FZD6: variants seen among roughly 807,000 people sequenced by gnomAD.
FZD6 encodes frizzled class receptor 6, also known as frizzled-6.
Under a neutral mutation model 61.4 loss-of-function variants are expected in FZD6, and 49 were observed. The observed-to-expected ratio is 0.80, with a 90% CI of 0.63 to 1.01. The LOEUF (loss-of-function observed/expected upper bound fraction) is 1.01, where lower values mean the gene tolerates loss of function less well. FZD6 is among the 50% of genes least tolerant of loss of function. FZD6 has a pLI of 0.00. For missense variants in FZD6, 724 were observed against 848.2 expected, an observed-to-expected ratio of 0.85 and a Z score of 1.82; for synonymous variants, 265 against 292.2, an observed-to-expected ratio of 0.91 and a Z score of 0.95.
chr8:103,299,496 T>G (rs760790925), intron 1 of FZD6, among the ~76,000 whole-genome samples: 37 of 152,272 alleles, frequency 2.4e-4, no homozygotes, highest in Non-Finnish European at 4.7e-4. Context: ...TCGAGAAAAC[T>G]ACATACCCAG....
At position 103,329,945 on chromosome 8, in the gene FZD6, G is replaced by C; in HGVS notation, c.1832G>C (p.Arg611Thr). 3 of 1,614,168 alleles carry C rather than the reference G, an allele frequency of 1.9e-6. No individual in the cohort carries two copies. Among genetic ancestry groups the C allele is most frequent in the Non-Finnish European group, 2.5e-6 (3 of 1,180,010 alleles). ...KADGASTPRLREQDCGEPASP... is the reference protein window; with the variant it reads ...KADGASTPRLTEQDCGEPASP... Reference sequence around the variant, plus strand: ...GACGGAGCTAGCACCCCCAGGTTAAGAGAACAGGACTGTGGTGAACCTGCC... The same window carrying C: ...GACGGAGCTAGCACCCCCAGGTTAACAGAACAGGACTGTGGTGAACCTGCC... The change falls in exon 6 of 7, where the codon AGA becomes ACA. Residue 611 changes from arginine to threonine, a missense_variant. Coordinates refer to ENST00000358755, the MANE Select transcript of FZD6 (RefSeq NM_003506.4).
chr8:103,306,301 A>T (rs1244252713), intron 2 of FZD6, among the ~76,000 whole-genome samples: 2 of 152,126 alleles, frequency 1.3e-5, no homozygotes, highest in African/African-American at 4.8e-5. Flanking sequence ...CTTGCCTGAG[A>T]TTGATCACAT....
Position 103,325,362 on chromosome 8 carries a change from T to G in FZD6, c.1256T>G (p.Val419Gly), listed in dbSNP as rs757294301. The G allele has an allele frequency of 6.2e-7, 1 of 1,613,818 alleles. No individual in the cohort carries two copies. Among genetic ancestry groups the G allele is most frequent in the Non-Finnish European group, 8.5e-7 (1 of 1,179,938 alleles). Reference protein sequence around the residue: ...KLKKFMIRIGVFSGLYLVPLV... With the variant: ...KLKKFMIRIGGFSGLYLVPLV... ...AAGAAATTTATGATTCGAATTGGAG[T>G]CTTCAGCGGCTTGTATCTTGTGCCA... The change falls in exon 4 of 7, where the codon GTC becomes GGC. Residue 419 changes from valine (V) to glycine (G), a missense_variant. By Grantham distance (109) the Val-to-Gly change is moderately radical (BLOSUM62 -3). Transcript: ENST00000358755.
intron 2 of FZD6, among the ~76,000 whole-genome samples, chr8:103,314,898 C>G (rs1356722012): frequency 1.3e-5 from 2 of 152,144 alleles, no homozygotes; most frequent in Non-Finnish European, 2.9e-5. Flanking sequence ...AAGGTGTATA[C>G]AGTGCTCAGC....
intron 2 of FZD6, among the ~76,000 whole-genome samples, chr8:103,312,053 CTCATTTT>C (rs1814511784): frequency 6.6e-6 from 1 of 152,074 alleles, no homozygotes; most frequent in Admixed American, 6.6e-5. Context: ...TATTTTGATT[CTCATTTT>C]TCATTTATCT....
At chr8:103,302,347 T>C (rs1814196175) in intron 2 of FZD6, among the ~76,000 whole-genome samples, 2 of 152,206 alleles carry the variant, frequency 1.3e-5, no homozygotes, top group African/African-American at 4.8e-5. Context: ...AAAGATCATA[T>C]AGAGCTTCTT....
rs751923976 is a variant in FZD6 at position 103,325,312 on chromosome 8, T to C, written c.1206T>C (p.His402=). ...SLNHVRQVIQ[H]DGRNQEKLKK... is the part of the protein sequence containing the mutation. ...ATCATGTTCGACAAGTCATACAACA[T>C]GATGGCCGGAACCAAGAAAAACTAA... is the stretch of plus-strand genomic sequence containing the variant. The change falls in exon 4 of 7, where the codon CAT becomes CAC. Residue 402 remains histidine (H), a synonymous_variant. Coordinates refer to ENST00000358755, the MANE Select transcript of FZD6 (RefSeq NM_003506.4). 1 of 1,614,172 alleles carries C rather than the reference T, an allele frequency of 6.2e-7. No homozygotes were observed. Among genetic ancestry groups the C allele is most frequent in the Admixed American group, 1.7e-5 (1 of 60,024 alleles).
rs145540021 is a variant in FZD6 at position 103,303,300 on chromosome 8, G to A, written c.177+3016G>A. Among the ~76,000 whole-genome samples the A allele has an allele frequency of 9.9e-4, 151 of 152,258 alleles. 1 individual carries two copies. Among genetic ancestry groups the A allele is most frequent in the Non-Finnish European group, 1.6e-3 (108 of 68,018 alleles). ...CACACACTCTATCCTCTGGTGAGCC[G>A]TCTGTCTACCTACCTTTCTTCACCT... On this transcript the variant is annotated intron_variant, in intron 2 of 6. Transcript: ENST00000358755.
rs889463279 is a variant in FZD6, at chr8:103,327,449, A to T, written c.1393-819A>T. ...GTCTCTACTAAAATACAAAAAAATTAGCCAGGCATGGTGGCGTACACTTGT... is the reference window on the plus strand; with the variant it reads ...GTCTCTACTAAAATACAAAAAAATTTGCCAGGCATGGTGGCGTACACTTGT... On this transcript the variant is annotated intron_variant, in intron 4 of 6. Transcript: ENST00000358755. 2.0e-5 allele frequency among the ~76,000 whole-genome samples: 3 copies of T among 152,180 alleles called. No homozygotes were observed. In the East Asian group the frequency reaches 5.8e-4, roughly 29 times the overall value.
upstream of FZD6, chr8:103,298,771 G>GT (rs1291637344): frequency 1.8e-5 from 2 of 109,584 alleles, no homozygotes; most frequent in Admixed American, 1.1e-4. Context: ...CGCAGGGCCA[G>GT]TCCCGCCGCC....
chr8:103,320,136 C>A (rs1216279417), intron 3 of FZD6, among the ~76,000 whole-genome samples: 2 of 152,030 alleles, frequency 1.3e-5, no homozygotes, highest in Non-Finnish European at 2.9e-5. Flanking sequence ...AGAGTTGTTG[C>A]AATAATTTCT....
chr8:103,302,481 C>T (rs827530), intron 2 of FZD6, among the ~76,000 whole-genome samples: 1 of 151,888 alleles, frequency 6.6e-6, no homozygotes, highest in African/African-American at 2.4e-5. Flanking sequence ...AAAGAACCCC[C>T]GAACCCTTCA....
At chr8:103,326,896 CTA>C (rs1190521695) in intron 4 of FZD6, among the ~76,000 whole-genome samples, 1 of 151,992 alleles carries the variant, frequency 6.6e-6, no homozygotes, top group Non-Finnish European at 1.5e-5. Context: ...AATGAAAAAA[CTA>C]TTCTTAAACA....
At chr8:103,321,803 G>A (rs1355117715) in intron 3 of FZD6, among the ~76,000 whole-genome samples, 1 of 152,154 alleles carries the variant, frequency 6.6e-6, no homozygotes, top group East Asian at 1.9e-4. Flanking sequence ...CTTGCCAATA[G>A]ATGAATCCCA....
Position 103,329,875 on chromosome 8 carries a change from G to A in FZD6, c.1762G>A (p.Glu588Lys), listed in dbSNP as rs1231505920. The stretch of plus-strand genomic sequence containing the variant: ...TTACCTAGGACAAGAAACTTTGACA[G>A]AAATCCAAACCTCACCAGAAACATC... The part of the protein sequence containing the change: ...HDYLGQETLT[E>K]IQTSPETSMR... The change falls in exon 6 of 7, where the codon GAA becomes AAA. Residue 588 changes from glutamate (E) to lysine (K), a missense_variant. Physicochemically the swap from Glu to Lys is moderately conservative, Grantham distance 56. Transcript: ENST00000358755. The A allele has an allele frequency of 6.2e-7, 1 of 1,614,140 alleles. No individual in the cohort carries two copies. The highest frequency in any genetic ancestry group is 8.5e-7 in the Non-Finnish European group (1 of 1,180,010).
At chr8:103,325,639 A>G (rs1296205061) in intron 4 of FZD6, 141 bp downstream of exon 4, 8 of 725,160 alleles carry the variant, frequency 1.1e-5, no homozygotes, top group African/African-American at 1.7e-5. Flanking sequence ...CTATACATCA[A>G]CTGAAACTGG....
intron 3 of FZD6, among the ~76,000 whole-genome samples, chr8:103,321,415 A>G (rs1814785248): frequency 6.6e-6 from 1 of 152,218 alleles, no homozygotes; most frequent in Admixed American, 6.5e-5. Flanking sequence ...TTTCATTTCT[A>G]TAAATAAGAC....
chr8:103,311,354 G>C (rs1814490928), intron 2 of FZD6, among the ~76,000 whole-genome samples: 1 of 152,172 alleles, frequency 6.6e-6, no homozygotes. Context: ...TTGCCAGGCT[G>C]TATCCCTGCA....
At chr8:103,307,621 A>G in intron 2 of FZD6, 1 of 394,810 alleles carries the variant, frequency 2.5e-6, no homozygotes, top group South Asian at 1.8e-5. Context: ...ACTTATTTTA[A>G]TATTATTTTG....
Sources: gnomAD v4.1 joint callset for allele counts (sites outside exome capture counted in the v4.1 genomes callset) on GRCh38, gnomAD v4.1.1 for gene constraint, MANE v1.5 for transcripts, NCBI Gene and HGNC (gene_info 2026-07-23, HGNC 2026-07-21) for gene names.